The following AGBL4 variants were observed in gnomAD, a reference collection of about 807,000 sequenced individuals.
AGBL4 encodes the protein AGBL carboxypeptidase 4.
AGBL4 carries 58 observed loss-of-function variants against 66.4 expected under a neutral mutation model. The observed-to-expected ratio is 0.87, with a 90% confidence interval of 0.71 to 1.09. The LOEUF (loss-of-function observed/expected upper bound fraction) is 1.09, where lower values mean the gene tolerates loss of function less well. AGBL4 is among the 50% of genes least tolerant of loss of function. AGBL4 has a pLI of 0.00. For synonymous variants in AGBL4, 234 were observed against 222.9 expected (o/e 1.05, Z -0.44); for missense variants, 579 against 631.0 (o/e 0.92, Z 0.88).
At chr1:48,772,595 C>A (rs1317845940) in intron 6 of AGBL4, among the ~76,000 whole-genome samples, 1 of 152,112 alleles carries the variant, frequency 6.6e-6, no homozygotes, top group African/African-American at 2.4e-5. Context: ...CTAAGGAGGG[C>A]TATGAATGCC....
At chr1:49,448,097 G>T (rs1446580648) in intron 3 of AGBL4, among the ~76,000 whole-genome samples, 1 of 152,082 alleles carries the variant, frequency 6.6e-6, no homozygotes, top group African/African-American at 2.4e-5. Flanking sequence ...ATGGAGGCCA[G>T]TTCCAGAAGA....
At chr1:49,814,245 A>G (rs952165291) in intron 2 of AGBL4, among the ~76,000 whole-genome samples, 1 of 152,214 alleles carries the variant, frequency 6.6e-6, no homozygotes, top group African/African-American at 2.4e-5. Context: ...TGAGAAATGT[A>G]CCATATAAGT....
At chr1:48,868,045 C>T (rs1262383987) in intron 5 of AGBL4, among the ~76,000 whole-genome samples, 2 of 152,196 alleles carry the variant, frequency 1.3e-5, no homozygotes, top group Non-Finnish European at 2.9e-5. Flanking sequence ...GTGAGCAGCC[C>T]TTCTAAAGAC....
intron 11 of AGBL4, among the ~76,000 whole-genome samples, chr1:48,545,447 T>C (rs893453585): frequency 2.6e-5 from 4 of 152,146 alleles, no homozygotes; most frequent in South Asian, 2.1e-4. Context: ...GAGGGATTGA[T>C]TGAACATTTT....
chr1:49,216,732 C>T (rs1393798100), intron 4 of AGBL4, among the ~76,000 whole-genome samples: 1 of 152,048 alleles, frequency 6.6e-6, no homozygotes, highest in Non-Finnish European at 1.5e-5. Flanking sequence ...AAGAACAAAA[C>T]AATGGCAAAA....
At chr1:49,979,190 G>A (rs1050316394) in intron 1 of AGBL4, among the ~76,000 whole-genome samples, 6 of 152,050 alleles carry the variant, frequency 3.9e-5, no homozygotes, top group African/African-American at 1.4e-4. Context: ...GGCCGGGCGC[G>A]GTGGCTCACG....
rs1278658649 is a variant in AGBL4, at chr1:48,593,206, C to A, written c.952-2221G>T. Among the ~76,000 whole-genome samples, 4 of 152,154 alleles carry A rather than the reference C, an allele frequency of 2.6e-5. No individual in the cohort carries two copies. In the East Asian group the frequency reaches 7.7e-4, roughly 29 times the overall value. ...TAAATATTTCCTCTCACACCCAAAC[C>A]CCCTGCTCCAAACACACAAGTGGTA... On this transcript the variant is annotated intron_variant, in intron 9 of 13. Transcript: ENST00000371839.
chr1:49,660,461 G>T (rs1052179242), intron 3 of AGBL4, among the ~76,000 whole-genome samples: 16 of 152,156 alleles, frequency 1.1e-4, no homozygotes, highest in Non-Finnish European at 7.3e-5. Flanking sequence ...ATAGATGTTG[G>T]CGAGGTTGTG....
Position 48,887,106 on chromosome 1 carries a change from G to C in AGBL4, c.595-19876C>G, listed in dbSNP as rs146548712. On this transcript the variant is annotated intron_variant, in intron 5 of 13. Coordinates refer to ENST00000371839, the MANE Select transcript of AGBL4 (RefSeq NM_032785.4). ...TTTCTCAAGGTGGAGAAAGGGGAAA[G>C]AGGGCTTGTGGGCCCTGGCAGAATC... Among the ~76,000 whole-genome samples, 17 of 152,308 alleles carry C rather than the reference G, an allele frequency of 1.1e-4. No homozygotes were observed. The East Asian group carries it at 3.3e-3, about 30-fold the overall frequency.
At chr1:48,591,992 C>A (rs551606153) in intron 9 of AGBL4, among the ~76,000 whole-genome samples, 33 of 152,296 alleles carry the variant, frequency 2.2e-4, no homozygotes, top group Non-Finnish European at 3.8e-4. Flanking sequence ...AATGGACTGA[C>A]TGAAACAGAG....
At chr1:49,849,785 C>A (rs572526126) in intron 2 of AGBL4, among the ~76,000 whole-genome samples, 4 of 152,134 alleles carry the variant, frequency 2.6e-5, no homozygotes, top group Admixed American at 6.5e-5. Context: ...AAGAAGACTG[C>A]AGTGGGGTTA....
intron 1 of AGBL4, among the ~76,000 whole-genome samples, chr1:49,948,263 AATAAATACATATAAATATATAT>A (rs1557609149): frequency 2.0e-5 from 2 of 102,150 alleles, no homozygotes; most frequent in Non-Finnish European, 3.4e-5. Context: ...TAAATATATA[AATAAATACATATAAATATATAT>A]AAATATATAA....
chr1:49,161,726 T>C (rs2148141896), intron 4 of AGBL4, among the ~76,000 whole-genome samples: 1 of 152,288 alleles, frequency 6.6e-6, no homozygotes, highest in South Asian at 2.1e-4. Flanking sequence ...CCCAAGATTC[T>C]GTCTCTCAAT....
intron 4 of AGBL4, among the ~76,000 whole-genome samples, chr1:49,163,818 G>A (rs778531253): frequency 2.6e-5 from 4 of 152,142 alleles, no homozygotes; most frequent in Non-Finnish European, 5.9e-5. Context: ...AAGTTCATAA[G>A]AGCCTCAAAA....
chr1:49,191,255 C>T (rs1306196254), intron 4 of AGBL4, among the ~76,000 whole-genome samples: 1 of 152,188 alleles, frequency 6.6e-6, no homozygotes, highest in Non-Finnish European at 1.5e-5. Context: ...ACAGACTAGA[C>T]TTGGCATTTC....
intron 2 of AGBL4, among the ~76,000 whole-genome samples, chr1:49,731,460 A>C (rs1649443237): frequency 6.6e-6 from 1 of 152,212 alleles, no homozygotes; most frequent in South Asian, 2.1e-4. Context: ...ACAGCAGACG[A>C]ATAATAAATA....
At chr1:49,488,022 T>G (rs887752655) in intron 3 of AGBL4, among the ~76,000 whole-genome samples, 4 of 151,952 alleles carry the variant, frequency 2.6e-5, no homozygotes, top group African/African-American at 9.7e-5. Flanking sequence ...TCTGTAAACC[T>G]CCACAGCAGG....
At chr1:49,004,257 G>A (rs569542000) in intron 5 of AGBL4, among the ~76,000 whole-genome samples, 6 of 152,184 alleles carry the variant, frequency 3.9e-5, no homozygotes, top group African/African-American at 7.2e-5. Context: ...ACTGGTAAGC[G>A]GCTCCTAGTG....
intron 8 of AGBL4, among the ~76,000 whole-genome samples, chr1:48,635,205 C>G (rs571555913): frequency 6.6e-6 from 1 of 152,174 alleles, no homozygotes; most frequent in African/African-American, 2.4e-5. Context: ...TAGGCTTGGA[C>G]TTGGATTCAA....
Sources: allele counts gnomAD v4.1 joint callset (sites outside exome capture counted in the v4.1 genomes callset), GRCh38; gene constraint gnomAD v4.1.1; transcripts MANE v1.5; gene names NCBI Gene and HGNC (gene_info 2026-07-23, HGNC 2026-07-21).